The following IQGAP2 variants were observed in gnomAD, a reference collection of about 807,000 sequenced individuals.
IQGAP2 encodes the protein IQ motif containing GTPase activating protein 2.
Under a neutral mutation model 201.3 loss-of-function variants are expected in IQGAP2, and 173 were observed. The ratio of observed to expected loss-of-function variants is 0.86; its 90% CI spans 0.76 to 0.98. The LOEUF (loss-of-function observed/expected upper bound fraction) is 0.98, where lower values mean the gene tolerates loss of function less well. Ranked by LOEUF, IQGAP2 falls within the 50% of genes least tolerant of loss-of-function variation. The pLI, the probability that IQGAP2 is intolerant of heterozygous loss-of-function variation, is 0.00. For missense variants in IQGAP2, 1,687 were observed against 1,864.8 expected (o/e 0.90, Z 1.76); for synonymous variants, 675 against 673.9 (o/e 1.00, Z -0.03).
intron 12 of IQGAP2, among the ~76,000 whole-genome samples, chr5:76,608,479 G>C (rs1238990264): frequency 2.0e-5 from 3 of 152,102 alleles, no homozygotes; most frequent in Non-Finnish European, 4.4e-5. Flanking sequence ...ATACACCATT[G>C]TAACCAGGCA....
At chr5:76,654,789 A>C (rs1294046787) in intron 19 of IQGAP2, 145 bp from the exon 20 acceptor site, 4 of 574,462 alleles carry the variant, frequency 7.0e-6, no homozygotes, top group Non-Finnish European at 1.2e-5. Flanking sequence ...ATGGAAAAAT[A>C]AATGTTGAAT....
chr5:76,633,657 C>T (rs1341201256), intron 15 of IQGAP2, among the ~76,000 whole-genome samples: 1 of 152,150 alleles, frequency 6.6e-6, no homozygotes, highest in Non-Finnish European at 1.5e-5. Context: ...ATTTTCATCA[C>T]ACCAAAACAA....
chr5:76,590,661 A>G (rs771554126), intron 8 of IQGAP2, 75 bp downstream of exon 8: 58 of 1,123,316 alleles, frequency 5.2e-5, no homozygotes, highest in Non-Finnish European at 7.3e-5. Flanking sequence ...CTTAATGTTG[A>G]AAGCAATACT....
Position 76,540,214 on chromosome 5 carries a change from A to T in IQGAP2, c.147-22182A>T, listed in dbSNP as rs552079214. On this transcript the variant is annotated intron_variant, in intron 2 of 35. Coordinates refer to ENST00000274364, the MANE Select transcript of IQGAP2 (RefSeq NM_006633.5). ...CCTAAGAAATGGACGGTCAAAATAA[A>T]TGGAAAGTCTTACTTTAAATAGCAG... Among the ~76,000 whole-genome samples the T allele has an allele frequency of 3.9e-5, 6 of 152,318 alleles. No individual in the cohort carries two copies. In the East Asian group the frequency reaches 1.2e-3, roughly 29 times the overall value.
At chr5:76,642,459 C>A (rs1198311650) in intron 17 of IQGAP2, among the ~76,000 whole-genome samples, 1 of 152,100 alleles carries the variant, frequency 6.6e-6, no homozygotes, top group Non-Finnish European at 1.5e-5. Context: ...CTCACCACGC[C>A]TTTTTTTCAG....
intron 13 of IQGAP2, among the ~76,000 whole-genome samples, chr5:76,622,072 T>C (rs1334955320): frequency 6.6e-6 from 1 of 152,084 alleles, no homozygotes; most frequent in Non-Finnish European, 1.5e-5. Context: ...CACAACGAAA[T>C]AAGGCAGGTT....
chr5:76,478,594 A>G (rs1311627064), intron 2 of IQGAP2, among the ~76,000 whole-genome samples: 1 of 152,174 alleles, frequency 6.6e-6, no homozygotes, highest in Non-Finnish European at 1.5e-5. Context: ...TTGTGCGCAC[A>G]TGTAATCCCA....
Position 76,673,435 on chromosome 5 carries a change from C to A in IQGAP2, c.3069-14C>A, listed in dbSNP as rs1190996039. On this transcript the variant is annotated splice_polypyrimidine_tract_variant and intron_variant, in intron 24 of 35. Transcript: ENST00000274364. ...CCTAAGCCTCCAGTTAATTTAAAGCCTTTGTGTTTTCAGCAAGTTGCCTTA... is the reference window on the plus strand; with the variant it reads ...CCTAAGCCTCCAGTTAATTTAAAGCATTTGTGTTTTCAGCAAGTTGCCTTA... 1.9e-6 allele frequency: 3 copies of A among 1,609,598 alleles called. No individual in the cohort carries two copies. In the African/African-American group the frequency reaches 4.0e-5, roughly 22 times the overall value.
At chr5:76,591,282 G>A (rs1417219742) in intron 8 of IQGAP2, among the ~76,000 whole-genome samples, 1 of 151,958 alleles carries the variant, frequency 6.6e-6, no homozygotes. Context: ...TAATAATTCA[G>A]TGTGGTGAAG....
chr5:76,653,525 G>C (rs1313353277), intron 18 of IQGAP2, among the ~76,000 whole-genome samples: 2 of 152,180 alleles, frequency 1.3e-5, no homozygotes, highest in Non-Finnish European at 2.9e-5. Flanking sequence ...GGGAGGCCAA[G>C]GTGGGAGGAT....
At chr5:76,418,360 T>C (rs1171427680) in intron 1 of IQGAP2, among the ~76,000 whole-genome samples, 1 of 152,174 alleles carries the variant, frequency 6.6e-6, no homozygotes, top group Non-Finnish European at 1.5e-5. Flanking sequence ...GCATTTCTTT[T>C]ACTACGAAGT....
At chr5:76,666,073 C>T (rs1743730450) in intron 22 of IQGAP2, among the ~76,000 whole-genome samples, 1 of 152,182 alleles carries the variant, frequency 6.6e-6, no homozygotes, top group Non-Finnish European at 1.5e-5. Flanking sequence ...TTACACAAAC[C>T]ATAAATAAGA....
At chr5:76,590,622 T>A (rs772280199) in intron 8 of IQGAP2, 36 bp downstream of exon 8, 7 of 1,517,730 alleles carry the variant, frequency 4.6e-6, no homozygotes, top group Non-Finnish European at 6.3e-6. Flanking sequence ...CAGTAATGAA[T>A]GTGCTTATGA....
intron 1 of IQGAP2, among the ~76,000 whole-genome samples, chr5:76,455,404 G>A (rs926499427): frequency 1.5e-5 from 2 of 134,870 alleles, no homozygotes; most frequent in East Asian, 2.3e-4. Flanking sequence ...AGTGAGCCAA[G>A]ATCGTACTAC....
At chr5:76,438,021 T>G (rs1351671695) in intron 1 of IQGAP2, among the ~76,000 whole-genome samples, 2 of 69,776 alleles carry the variant, frequency 2.9e-5, no homozygotes, top group African/African-American at 1.1e-4. Flanking sequence ...TTTTTTTTTT[T>G]TTTTTTTTTG....
intron 31 of IQGAP2, among the ~76,000 whole-genome samples, chr5:76,694,944 A>C (rs1746590336): frequency 6.6e-6 from 1 of 152,204 alleles, no homozygotes; most frequent in Non-Finnish European, 1.5e-5. Context: ...AAACTTTGCA[A>C]GTTTTTCAGA....
intron 1 of IQGAP2, among the ~76,000 whole-genome samples, chr5:76,413,156 CTTTTTTTTTTTTTTTT>C (rs567410789): frequency 6.1e-4 from 51 of 83,694 alleles, no homozygotes; most frequent in African/African-American, 2.2e-3. Flanking sequence ...TTTCTTTTCT[CTTTTTTTTTTTTTTTT>C]TTTTTTTTTT....
intron 21 of IQGAP2, chr5:76,660,442 G>A (rs1743152204): frequency 6.6e-6 from 1 of 152,200 alleles, no homozygotes; most frequent in East Asian, 1.9e-4. Context: ...ATATATTCCA[G>A]AAGGATTTTC....
intron 11 of IQGAP2, among the ~76,000 whole-genome samples, chr5:76,603,744 G>A (rs961732301): frequency 6.6e-6 from 1 of 152,146 alleles, no homozygotes; most frequent in Non-Finnish European, 1.5e-5. Context: ...ACAAACATCT[G>A]CTGAACTAAA....
Sources: gnomAD v4.1 joint callset for allele counts (sites outside exome capture counted in the v4.1 genomes callset) on GRCh38, gnomAD v4.1.1 for gene constraint, MANE v1.5 for transcripts, NCBI Gene and HGNC (gene_info 2026-07-23, HGNC 2026-07-21) for gene names.